The following FGF1 variants were observed in gnomAD, a reference collection of about 807,000 sequenced individuals.
FGF1 encodes fibroblast growth factor 1, also known as beta-endothelial cell growth factor.
A neutral mutation model predicts 13.4 loss-of-function variants in FGF1; 9 were observed. That is an observed-to-expected ratio of 0.67 (90% CI 0.40 to 1.17). The LOEUF is 1.17. FGF1 is among the 50% of genes most tolerant of loss of function. The pLI is 0.01. For missense variants in FGF1, 156 were observed against 192.7 expected (o/e 0.81, Z 1.13); for synonymous variants, 93 against 79.0 (o/e 1.18, Z -0.94).
chr5:142,646,334 C>T (rs1766101161), intron 1 of FGF1, among the ~76,000 whole-genome samples: 1 of 146,374 alleles, frequency 6.8e-6, no homozygotes, highest in African/African-American at 2.5e-5. Flanking sequence ...GCTGGGATTA[C>T]AGGTGCCTGC....
intron 1 of FGF1, among the ~76,000 whole-genome samples, chr5:142,669,335 T>A (rs11954586): frequency 6.6e-6 from 1 of 152,046 alleles, no homozygotes; most frequent in Non-Finnish European, 1.5e-5. Flanking sequence ...AGCCCTCAAG[T>A]CTTCTTGACT....
chr5:142,619,116 A>G (rs1038451410), intron 1 of FGF1, among the ~76,000 whole-genome samples: 2 of 151,584 alleles, frequency 1.3e-5, no homozygotes, highest in Non-Finnish European at 2.9e-5. Context: ...TTGTATTTTT[A>G]GTAGAGACGG....
chr5:142,688,450 A>C (rs929775171), upstream of FGF1, among the ~76,000 whole-genome samples: 1 of 152,180 alleles, frequency 6.6e-6, no homozygotes, highest in Non-Finnish European at 1.5e-5. Context: ...CTAGTCGAAA[A>C]GTCTGGTCTC....
intron 1 of FGF1, among the ~76,000 whole-genome samples, chr5:142,645,911 TTTTG>T (rs1230155717): frequency 2.6e-5 from 4 of 152,190 alleles, no homozygotes; most frequent in African/African-American, 7.2e-5. Flanking sequence ...TTTTTGTTTT[TTTTG>T]TTTGTTTGTT....
intron 1 of FGF1, among the ~76,000 whole-genome samples, chr5:142,662,457 C>T (rs1195940285): frequency 6.6e-6 from 1 of 152,130 alleles, no homozygotes; most frequent in Non-Finnish European, 1.5e-5. Context: ...GGTCATTTTC[C>T]ATTAGAAGAT....
chr5:142,638,285 T>C (rs1764617746), intron 1 of FGF1, among the ~76,000 whole-genome samples: 1 of 151,994 alleles, frequency 6.6e-6, no homozygotes, highest in Admixed American at 6.6e-5. Flanking sequence ...TGCTTTTCCG[T>C]TGGCATGGAC....
chr5:142,647,504 T>C (rs569712263), intron 1 of FGF1, among the ~76,000 whole-genome samples: 2 of 152,364 alleles, frequency 1.3e-5, no homozygotes, highest in Non-Finnish European at 2.9e-5. Context: ...GTAGTTCTCC[T>C]CTTAATTTGT....
intron 1 of FGF1, among the ~76,000 whole-genome samples, chr5:142,618,650 C>A (rs2151888899): frequency 6.6e-6 from 1 of 152,244 alleles, no homozygotes; most frequent in African/African-American, 2.4e-5. Context: ...TCCCCCTGTG[C>A]TGTAAGCCAC....
In FGF1 at chr5:142,595,243, AC is replaced by A; in HGVS notation, c.*46del. On this transcript the variant is annotated 3_prime_UTR_variant, in exon 4 of 4. Coordinates refer to ENST00000337706, the MANE Select transcript of FGF1 (RefSeq NM_000800.5). ...ACATTTTTGGGTCAACCAGGTGAGG[AC>A]CCCTCGAAACTTCTCTGGAGTGGTC... The A allele has an allele frequency of 6.5e-7, 1 of 1,543,536 alleles. No individual in the cohort carries two copies. Among genetic ancestry groups the A allele is most frequent in the Non-Finnish European group, 8.8e-7 (1 of 1,131,306 alleles).
chr5:142,622,434 G>C (rs527838624), intron 1 of FGF1, among the ~76,000 whole-genome samples: 1 of 152,326 alleles, frequency 6.6e-6, no homozygotes, highest in East Asian at 1.9e-4. Context: ...TAAGCCAAGA[G>C]TCTAAATGTA....
intron 1 of FGF1, among the ~76,000 whole-genome samples, chr5:142,614,634 A>G (rs1280218406): frequency 6.6e-6 from 1 of 152,178 alleles, no homozygotes; most frequent in African/African-American, 2.4e-5. Context: ...GATAGCACAG[A>G]TGGCCTGGAC....
At chr5:142,613,670 C>T (rs957392289) in intron 2 of FGF1, among the ~76,000 whole-genome samples, 1 of 152,192 alleles carries the variant, frequency 6.6e-6, no homozygotes, top group Non-Finnish European at 1.5e-5. Flanking sequence ...GTTACAGAAA[C>T]CTGGGAAAAC....
At chr5:142,690,716 C>G (rs182365519), upstream of FGF1, among the ~76,000 whole-genome samples, 585 of 152,324 alleles carry the variant, frequency 3.8e-3, no homozygotes, top group Middle Eastern at 0.02. Context: ...CAGAAGGAAC[C>G]TGCTAAAAGG....
chr5:142,655,347 G>A (rs1767974615), intron 1 of FGF1, among the ~76,000 whole-genome samples: 1 of 152,116 alleles, frequency 6.6e-6, no homozygotes, highest in African/African-American at 2.4e-5. Flanking sequence ...CCTGCTCCCA[G>A]CACACTCCCC....
intron 1 of FGF1, among the ~76,000 whole-genome samples, chr5:142,620,614 TAAAGAG>T (rs998143165): frequency 6.6e-6 from 1 of 152,132 alleles, no homozygotes; most frequent in Non-Finnish European, 1.5e-5. Context: ...GACAAATATG[TAAAGAG>T]AAAGTGACAA....
At chr5:142,675,122 G>A (rs544509858) in intron 1 of FGF1, among the ~76,000 whole-genome samples, 7 of 152,286 alleles carry the variant, frequency 4.6e-5, no homozygotes, top group South Asian at 2.1e-4. Context: ...TCCCCCCTGC[G>A]CCGCATGCAT....
chr5:142,596,035 G>A (rs565600802), intron 3 of FGF1, among the ~76,000 whole-genome samples: 6 of 152,196 alleles, frequency 3.9e-5, no homozygotes, highest in South Asian at 2.1e-4. Flanking sequence ...TTTCACTAAC[G>A]TCAGGATTTT....
At chr5:142,625,346 A>G (rs1762285487) in intron 1 of FGF1, among the ~76,000 whole-genome samples, 2 of 132,136 alleles carry the variant, frequency 1.5e-5, no homozygotes, top group African/African-American at 3.0e-5. Flanking sequence ...ACACACACAC[A>G]CACACGTGTC....
chr5:142,617,044 C>G (rs1760392045), intron 1 of FGF1, among the ~76,000 whole-genome samples: 1 of 152,172 alleles, frequency 6.6e-6, no homozygotes, highest in Non-Finnish European at 1.5e-5. Context: ...CCATTTGCCT[C>G]TGATTGTGGG....
Sources: allele counts gnomAD v4.1 joint callset (sites outside exome capture counted in the v4.1 genomes callset), GRCh38; gene constraint gnomAD v4.1.1; transcripts MANE v1.5; gene names NCBI Gene and HGNC (gene_info 2026-07-23, HGNC 2026-07-21).